The following SLC25A30 variants were observed in gnomAD, a reference collection of about 807,000 sequenced individuals.
SLC25A30 encodes solute carrier family 25 member 30.
SLC25A30 carries 29 observed loss-of-function variants against 42.7 expected under a neutral mutation model. That is an observed-to-expected ratio of 0.68 (90% CI 0.51 to 0.93). The LOEUF is 0.93. Among genes scored for constraint, SLC25A30 ranks in the 40% least tolerant of loss-of-function variants. The probability of loss-of-function intolerance (pLI) is 0.00; values close to 1 mark genes in which losing one functional copy is unlikely to be tolerated. For synonymous variants in SLC25A30, 124 were observed against 131.0 expected (o/e 0.95, Z 0.37); for missense variants, 300 against 359.7 (o/e 0.83, Z 1.34).
At chr13:45,423,031 C>T (rs1461771014), upstream of SLC25A30, among the ~76,000 whole-genome samples, 1 of 152,064 alleles carries the variant, frequency 6.6e-6, no homozygotes, top group Non-Finnish European at 1.5e-5. Context: ...GCAGTTTTCT[C>T]GACAGTCTTC....
rs753120242 is a variant in SLC25A30 at position 45,394,177 on chromosome 13, G to T, written c.*1797C>A. ...CTGGGGTCCTCTGCTGCCCTCTAGGGTTGCCCAGGGAGAGCTGGACTTTCA... is the reference window on the plus strand; with the variant it reads ...CTGGGGTCCTCTGCTGCCCTCTAGGTTTGCCCAGGGAGAGCTGGACTTTCA... On this transcript the variant is annotated 3_prime_UTR_variant, in exon 10 of 10. Transcript: ENST00000519676. The T allele has an allele frequency of 5.8e-5, 57 of 985,210 alleles. No individual in the cohort carries two copies. The highest frequency in any genetic ancestry group is 6.0e-5 in the Non-Finnish European group (50 of 829,934). The allele number at this position is 985,210 out of a possible 1,614,324, so 61.0% of individuals were successfully genotyped here. A position where few individuals can be genotyped will look rare whatever the true frequency, so the allele number is the denominator to read the frequency against.
At chr13:45,413,718 C>A (rs115071562) in intron 1 of SLC25A30, among the ~76,000 whole-genome samples, 1 of 152,174 alleles carries the variant, frequency 6.6e-6, no homozygotes, top group South Asian at 2.1e-4. Context: ...CCATACCCAG[C>A]TAATTTTGTA....
rs189890148 is a variant in SLC25A30 at position 45,395,142 on chromosome 13, G to C, written c.*832C>G. The C allele has an allele frequency of 6.1e-6, 6 of 985,312 alleles. No homozygotes were observed. Among genetic ancestry groups the C allele is most frequent in the African/African-American group, 1.7e-5 (1 of 57,324 alleles). The allele number at this position is 985,312 out of a possible 1,614,324, so 61.0% of individuals were successfully genotyped here. On this transcript the variant is annotated 3_prime_UTR_variant, in exon 10 of 10. Transcript: ENST00000519676. Reference sequence around the variant, plus strand: ...AGCAGCTACTATTTGTTCTTCATTTGACCCTCTACATCAATAGACGTTATT... The same window carrying C: ...AGCAGCTACTATTTGTTCTTCATTTCACCCTCTACATCAATAGACGTTATT...
chr13:45,402,089 C>T lies in SLC25A30; in HGVS notation c.489+186G>A, dbSNP rs954491875. Among the ~76,000 whole-genome samples, 4 of 147,044 alleles carry T rather than the reference C, an allele frequency of 2.7e-5. No individual in the cohort carries two copies. In the East Asian group the frequency reaches 5.9e-4, roughly 22 times the overall value. The stretch of plus-strand genomic sequence containing the variant: ...AAAAAAAAAAAAAAAAAAATCATGA[C>T]ATATTCCTTATATTCCCATTTTATA... On this transcript the variant is annotated intron_variant, in intron 6 of 9. Coordinates refer to ENST00000519676, the MANE Select transcript of SLC25A30 (RefSeq NM_001010875.4).
chr13:45,419,146 A>G (rs1178877191), upstream of SLC25A30, among the ~76,000 whole-genome samples: 1 of 133,798 alleles, frequency 7.5e-6, no homozygotes, highest in Non-Finnish European at 1.7e-5. Context: ...AAAAAAAAAA[A>G]AAAAAGAAAG....
chr13:45,414,961 G>C (rs555758565), intron 1 of SLC25A30, among the ~76,000 whole-genome samples: 2 of 152,170 alleles, frequency 1.3e-5, no homozygotes, highest in Non-Finnish European at 1.5e-5. Flanking sequence ...AATAGTGTCT[G>C]GGCAGCATCT....
the SLC25A30 span, among the ~76,000 whole-genome samples, chr13:45,427,759 T>TTTTCTTTTCTTTTCTTTTCTTTTC: frequency 6.6e-6 from 1 of 152,164 alleles, no homozygotes; most frequent in South Asian, 2.1e-4. Flanking sequence ...TTTTCTTTTC[T>TTTTCTTTTCTTTTCTTTTCTTTTC]TTTTGAGACA....
the SLC25A30 span, among the ~76,000 whole-genome samples, chr13:45,427,502 T>C: frequency 6.6e-6 from 1 of 152,118 alleles, no homozygotes; most frequent in South Asian, 2.1e-4. Context: ...TGACTTCCCC[T>C]GAAAATCATT....
chr13:45,425,713 G>T, the SLC25A30 span, among the ~76,000 whole-genome samples: 1 of 132,674 alleles, frequency 7.5e-6, no homozygotes, highest in Admixed American at 8.8e-5. Flanking sequence ...TATTTTTTGG[G>T]ACTGAGTCTC....
the SLC25A30 span, among the ~76,000 whole-genome samples, chr13:45,426,150 C>A: frequency 1.2e-4 from 18 of 150,938 alleles, no homozygotes; most frequent in Admixed American, 1.2e-3. Flanking sequence ...GCAGTGGCGC[C>A]ATCTCGGCTC....
the SLC25A30 span, among the ~76,000 whole-genome samples, chr13:45,425,170 G>T: frequency 5.8e-5 from 5 of 86,538 alleles, no homozygotes; most frequent in South Asian, 3.3e-4. Context: ...ATATATATAA[G>T]TATATAAATA....
upstream of SLC25A30, among the ~76,000 whole-genome samples, chr13:45,420,697 C>CTTTTG (rs1001137376): frequency 6.6e-6 from 1 of 151,880 alleles, no homozygotes; most frequent in South Asian, 2.1e-4. Context: ...TTTTTTTGTG[C>CTTTTG]TTTTGTTTTG....
At chr13:45,398,168 G>A (rs1881556763) in intron 8 of SLC25A30, 1 of 398,424 alleles carries the variant, frequency 2.5e-6, no homozygotes, top group Non-Finnish European at 3.4e-6. Context: ...AACATGGATG[G>A]AGCTGGAGGC....
intron 3 of SLC25A30, among the ~76,000 whole-genome samples, chr13:45,406,415 G>A (rs1186378929): frequency 6.6e-6 from 1 of 152,172 alleles, no homozygotes; most frequent in African/African-American, 2.4e-5. Flanking sequence ...AAAAACACAG[G>A]TGGGTCCAGA....
At chr13:45,425,597 C>T in the SLC25A30 span, among the ~76,000 whole-genome samples, 106 of 38,104 alleles carry the variant, frequency 2.8e-3, 10 homozygotes, top group Non-Finnish European at 4.4e-3. Context: ...TATATATATA[C>T]ATATATATAT....
chr13:45,414,288 G>C (rs939528081), intron 1 of SLC25A30, among the ~76,000 whole-genome samples: 1 of 152,240 alleles, frequency 6.6e-6, no homozygotes, highest in East Asian at 1.9e-4. Flanking sequence ...GCTTAAATAT[G>C]AACTAGAGAG....
the SLC25A30 span, among the ~76,000 whole-genome samples, chr13:45,424,855 T>TATAAATATATATTTAA: frequency 5.1e-5 from 3 of 58,712 alleles, no homozygotes; most frequent in South Asian, 1.1e-3. Context: ...TATATAAATA[T>TATAAATATATATTTAA]ATATATAAAA....
In SLC25A30 at chr13:45,395,323, A is replaced by T; in HGVS notation, c.*651T>A. 2.0e-6 allele frequency: 2 copies of T among 986,414 alleles called. No homozygotes were observed. Among genetic ancestry groups the T allele is most frequent in the Non-Finnish European group, 2.4e-6 (2 of 830,610 alleles). The allele number at this position is 986,414 out of a possible 1,614,324, so 61.1% of individuals were successfully genotyped here. A position where few individuals can be genotyped will look rare whatever the true frequency, so the allele number is the denominator to read the frequency against. On this transcript the variant is annotated 3_prime_UTR_variant, in exon 10 of 10. Coordinates refer to ENST00000519676, the MANE Select transcript of SLC25A30 (RefSeq NM_001010875.4). ...AAGCCAACACATAACACCACCACGA[A>T]TTTAGAGATTATTACTTTGTAACAA...
chr13:45,420,993 G>T (rs1015060800), upstream of SLC25A30, among the ~76,000 whole-genome samples: 6 of 152,100 alleles, frequency 3.9e-5, no homozygotes, highest in African/African-American at 1.4e-4. Context: ...GTAACCTTGG[G>T]TTCCTCCAAG....
Sources: allele counts gnomAD v4.1 joint callset (sites outside exome capture counted in the v4.1 genomes callset), GRCh38; gene constraint gnomAD v4.1.1; transcripts MANE v1.5; gene names NCBI Gene and HGNC (gene_info 2026-07-23, HGNC 2026-07-21).